The following RAP1GAP2 variants were observed in gnomAD, a reference collection of about 807,000 sequenced individuals.
The protein encoded by RAP1GAP2 is RAP1 GTPase activating protein 2, also known as rap1 GTPase-activating protein 2.
A neutral mutation model predicts 95.0 loss-of-function variants in RAP1GAP2; 27 were observed. That is an observed-to-expected ratio of 0.28 (90% CI 0.21 to 0.39). The LOEUF (loss-of-function observed/expected upper bound fraction) is 0.39, where lower values mean the gene tolerates loss of function less well. Among genes scored for constraint, RAP1GAP2 ranks in the 10% least tolerant of loss-of-function variants. The pLI, the probability that RAP1GAP2 is intolerant of heterozygous loss-of-function variation, is 1.00. For missense variants in RAP1GAP2, 771 were observed against 970.0 expected, an observed-to-expected ratio of 0.79 and a Z score of 2.72; for synonymous variants, 373 against 380.9, an observed-to-expected ratio of 0.98 and a Z score of 0.24.
intron 2 of RAP1GAP2, among the ~76,000 whole-genome samples, chr17:2,898,941 A>G (rs2041932040): frequency 6.6e-6 from 1 of 152,180 alleles, no homozygotes; most frequent in Admixed American, 6.5e-5. Flanking sequence ...ATTGATTAGC[A>G]GGAGTATTGA....
chr17:2,786,289 G>A (rs2068772222), intron 1 of RAP1GAP2, among the ~76,000 whole-genome samples: 1 of 152,246 alleles, frequency 6.6e-6, no homozygotes, highest in South Asian at 2.1e-4. Context: ...GACTGGGGCT[G>A]GAATCCGTGT....
chr17:2,791,136 C>T (rs1271953948), intron 1 of RAP1GAP2, among the ~76,000 whole-genome samples: 1 of 152,152 alleles, frequency 6.6e-6, no homozygotes, highest in African/African-American at 2.4e-5. Context: ...ACCTGGGAGG[C>T]GGAGGTTGCA....
chr17:2,944,317 A>G (rs1567806459), intron 3 of RAP1GAP2, among the ~76,000 whole-genome samples: 1 of 152,234 alleles, frequency 6.6e-6, no homozygotes, highest in Non-Finnish European at 1.5e-5. Context: ...AATTAAAAAC[A>G]TTAAAAAGAG....
At chr17:2,995,276 T>A (rs981638471) in intron 12 of RAP1GAP2, 61 bp from the exon 13 acceptor site, 7 of 1,555,284 alleles carry the variant, frequency 4.5e-6, no homozygotes, top group Non-Finnish European at 6.2e-6. Context: ...GAGCTTGCAT[T>A]AAGTTGCCCA....
intron 5 of RAP1GAP2, 44 bp downstream of exon 5, chr17:2,962,758 G>A (rs1181808755): frequency 1.3e-6 from 2 of 1,530,684 alleles, no homozygotes; most frequent in Non-Finnish European, 8.8e-7. Flanking sequence ...CCCTGGTGAG[G>A]GGCTAGGGCG....
chr17:2,895,826 C>T (rs2041803664), intron 2 of RAP1GAP2, among the ~76,000 whole-genome samples: 1 of 152,156 alleles, frequency 6.6e-6, no homozygotes, highest in Non-Finnish European at 1.5e-5. Flanking sequence ...GATCTGCCTG[C>T]CTCGGCCTCC....
chr17:2,884,518 G>A (rs1434497101), intron 2 of RAP1GAP2, among the ~76,000 whole-genome samples: 4 of 151,676 alleles, frequency 2.6e-5, no homozygotes, highest in African/African-American at 7.3e-5. Context: ...GACTACAGGC[G>A]TGCACCACTA....
intron 3 of RAP1GAP2, among the ~76,000 whole-genome samples, chr17:2,940,164 C>G (rs548654178): frequency 6.9e-4 from 105 of 152,282 alleles, no homozygotes; most frequent in Non-Finnish European, 1.0e-3. Flanking sequence ...CTGTTGTCAC[C>G]TGGCTGGGAG....
chr17:2,997,709 G>C (rs1053844323), intron 13 of RAP1GAP2, among the ~76,000 whole-genome samples: 1 of 151,978 alleles, frequency 6.6e-6, no homozygotes, highest in Non-Finnish European at 1.5e-5. Flanking sequence ...GAGGCGGGCT[G>C]GTCAGGAGTT....
At chr17:2,922,377 A>G (rs1963007923) in intron 3 of RAP1GAP2, among the ~76,000 whole-genome samples, 1 of 152,188 alleles carries the variant, frequency 6.6e-6, no homozygotes, top group African/African-American at 2.4e-5. Flanking sequence ...GCATGGGTAA[A>G]GACCCTTTTT....
chr17:2,848,932 G>C lies in RAP1GAP2; in HGVS notation c.80+48382G>C, dbSNP rs763866711. Among the ~76,000 whole-genome samples the C allele has an allele frequency of 2.6e-5, 4 of 152,094 alleles. No homozygotes were observed. The South Asian group carries it at 6.2e-4, about 24-fold the overall frequency. ...CCTCCTCTGTCTTCCTCCTAAGGGG[G>C]CATCCCAGAGACGCAACTGTGCTGT... On this transcript the variant is annotated intron_variant, in intron 2 of 24. Coordinates refer to ENST00000254695, the MANE Select transcript of RAP1GAP2 (RefSeq NM_015085.5).
At chr17:2,973,946 A>G (rs2044984376) in intron 8 of RAP1GAP2, among the ~76,000 whole-genome samples, 1 of 152,212 alleles carries the variant, frequency 6.6e-6, no homozygotes, top group Non-Finnish European at 1.5e-5. Context: ...GGATACAGAC[A>G]AGATAATCTA....
chr17:2,905,162 C>G (rs1442862821), intron 2 of RAP1GAP2, 122 bp from the exon 3 acceptor site: 2 of 832,978 alleles, frequency 2.4e-6, no homozygotes, highest in African/African-American at 3.5e-5. Flanking sequence ...GGATTACTGG[C>G]GTGAGCCACC....
intron 2 of RAP1GAP2, among the ~76,000 whole-genome samples, chr17:2,861,263 C>T (rs992388308): frequency 6.6e-5 from 10 of 151,872 alleles, no homozygotes; most frequent in Non-Finnish European, 1.3e-4. Flanking sequence ...ATTTACTGAT[C>T]GTATCTAGTG....
intron 2 of RAP1GAP2, among the ~76,000 whole-genome samples, chr17:2,822,127 G>A (rs924037772): frequency 1.3e-5 from 2 of 152,078 alleles, no homozygotes; most frequent in Non-Finnish European, 2.9e-5. Context: ...CAATCCCATG[G>A]TCAGCACCCA....
intron 19 of RAP1GAP2, 81 bp from the exon 20 acceptor site, chr17:3,025,927 A>T: frequency 9.5e-7 from 1 of 1,058,100 alleles, no homozygotes; most frequent in Non-Finnish European, 1.4e-6. Flanking sequence ...CCGTGCCGAG[A>T]GAGGCTCTGC....
At chr17:2,988,318 C>T (rs28523270) in intron 11 of RAP1GAP2, among the ~76,000 whole-genome samples, 6,131 of 152,248 alleles carry the variant, frequency 0.04, 149 homozygotes, top group Non-Finnish European at 0.054. Context: ...CTACTTTCCC[C>T]GCAAAGTAAT....
chr17:2,757,102 G>C (rs1482221216), intron 1 of RAP1GAP2, among the ~76,000 whole-genome samples: 1 of 152,168 alleles, frequency 6.6e-6, no homozygotes, highest in Non-Finnish European at 1.5e-5. Context: ...CCAGATAAAA[G>C]TAGAATTAAT....
rs1181203871 is a variant in RAP1GAP2, at chr17:2,965,562, C to T, written c.515C>T (p.Thr172Ile). 3.1e-6 allele frequency: 5 copies of T among 1,612,466 alleles called. No homozygotes were observed. The African/African-American group carries it at 6.7e-5, about 22-fold the overall frequency. ...TAGGATCATCTAAACTTTTACTGTA[C>T]CGGCAGCAGCCTGGGGAACTTGATC... ...LGKDHLNFYC[T>I]GSSLGNLILS... Residue 172 changes from threonine (T) to isoleucine (I), a missense_variant, in exon 8 of 25, where the codon ACC becomes ATC. Thr to Ile is a moderately conservative substitution (Grantham distance 89, BLOSUM62 -1). Transcript: ENST00000254695. The surrounding 1 kb of genome is among the most constrained non-coding windows in gnomAD (Gnocchi z 4.7).
Sources: gnomAD v4.1 joint callset for allele counts (sites outside exome capture counted in the v4.1 genomes callset) on GRCh38, gnomAD v4.1.1 for gene constraint, Gnocchi (gnomAD v3.1) non-coding constraint, MANE v1.5 for transcripts, NCBI Gene and HGNC (gene_info 2026-07-23, HGNC 2026-07-21) for gene names.